Variants in PHKB observed in about 807,000 individuals in gnomAD.
PHKB encodes the protein phosphorylase kinase regulatory subunit beta, also known as phosphorylase b kinase regulatory subunit beta.
PHKB carries 122 observed loss-of-function variants against 152.1 expected under a neutral mutation model. The observed-to-expected ratio is 0.80, with a 90% CI of 0.69 to 0.93. The LOEUF (loss-of-function observed/expected upper bound fraction) is 0.93, where lower values mean the gene tolerates loss of function less well. Among genes scored for constraint, PHKB ranks in the 40% least tolerant of loss-of-function variants. The pLI is 0.00. For synonymous variants in PHKB, 436 were observed against 464.9 expected (o/e 0.94, Z 0.80); for missense variants, 1,304 against 1,328.4 (o/e 0.98, Z 0.29).
Position 47,650,561 on chromosome 16 carries a change from T to C in PHKB, c.1815T>C (p.Ile605=). 1 of 1,604,256 alleles carries C rather than the reference T, an allele frequency of 6.2e-7. No homozygotes were observed. Among genetic ancestry groups the C allele is most frequent in the Non-Finnish European group, 8.5e-7 (1 of 1,171,140 alleles). ...TTTGACAGAATGCGCTGCAGTTCAT[T>C]AAACAATATTGGAAAATGCATGGAC... is the stretch of plus-strand genomic sequence containing the variant. The part of the protein sequence containing the change: ...IDDIKNALQF[I]KQYWKMHGRP... Residue 605 remains isoleucine, a synonymous_variant, in exon 19 of 31, where the codon ATT becomes ATC. Transcript: ENST00000323584.
intron 26 of PHKB, among the ~76,000 whole-genome samples, chr16:47,682,783 C>T (rs1357741715): frequency 6.6e-6 from 1 of 152,200 alleles, no homozygotes; most frequent in Non-Finnish European, 1.5e-5. Context: ...ATTCTCTGTC[C>T]AGCTTTGTTC....
chr16:47,525,469 A>G (rs1333164893), intron 6 of PHKB, among the ~76,000 whole-genome samples: 1 of 152,210 alleles, frequency 6.6e-6, no homozygotes, highest in East Asian at 1.9e-4. Flanking sequence ...GTTTGAAGAG[A>G]TGATGACTGT....
At chr16:47,564,322 A>G (rs1456559381) in intron 7 of PHKB, among the ~76,000 whole-genome samples, 1 of 152,070 alleles carries the variant, frequency 6.6e-6, no homozygotes, top group African/African-American at 2.4e-5. Context: ...GTTTCACTGC[A>G]TCCACACCAA....
Position 47,597,370 on chromosome 16 carries a change from G to A in PHKB, c.1363+839G>A, listed in dbSNP as rs141119589. On this transcript the variant is annotated intron_variant, in intron 13 of 30. Coordinates refer to ENST00000323584, the MANE Select transcript of PHKB (RefSeq NM_000293.3). ...CGGTTTTTAAAAAAATATTCCATTA[G>A]GGAAGAATATTTCACAGGACAGATT... 7.1e-3 allele frequency among the ~76,000 whole-genome samples: 1,078 copies of A among 152,146 alleles called. 16 individuals are homozygous for A. Among genetic ancestry groups the A allele is most frequent in the African/African-American group, 0.025 (1,033 of 41,540 alleles).
At chr16:47,634,493 ATGATATAAT>A (rs139578688) in intron 14 of PHKB, among the ~76,000 whole-genome samples, 2,924 of 152,332 alleles carry the variant, frequency 0.019, 33 homozygotes, top group Non-Finnish European at 0.032. Flanking sequence ...ATAACAATAA[ATGATATAAT>A]TTCTGTATCG....
At chr16:47,540,665 G>A (rs2151667810) in intron 6 of PHKB, among the ~76,000 whole-genome samples, 1 of 151,552 alleles carries the variant, frequency 6.6e-6, no homozygotes, top group East Asian at 1.9e-4. Context: ...TGAAATATTG[G>A]GGACGGGTTC....
At chr16:47,473,112 G>A (rs911147553) in intron 1 of PHKB, among the ~76,000 whole-genome samples, 6 of 150,342 alleles carry the variant, frequency 4.0e-5, no homozygotes, top group Middle Eastern at 3.2e-3. Context: ...CACCCAGGCT[G>A]GAGTGGAGTA....
At chr16:47,565,828 AGACAGAAGCAGCTT>A in intron 7 of PHKB, 1 of 1,382,768 alleles carries the variant, frequency 7.2e-7, no homozygotes, top group Non-Finnish European at 1.0e-6. Flanking sequence ...GTCCCTCCAA[AGACAGAAGCAGCTT>A]GACTGGACTG....
At chr16:47,641,302 A>G (rs1367562366) in intron 15 of PHKB, among the ~76,000 whole-genome samples, 1 of 152,310 alleles carries the variant, frequency 6.6e-6, no homozygotes, top group South Asian at 2.1e-4. Context: ...GGTGAATATT[A>G]AAGACTGACC....
chr16:47,521,026 G>C (rs1051298157), intron 6 of PHKB, among the ~76,000 whole-genome samples: 1 of 151,924 alleles, frequency 6.6e-6, no homozygotes, highest in African/African-American at 2.4e-5. Flanking sequence ...AGGTTAAATG[G>C]AGCTTTTTAA....
At chr16:47,543,886 T>A (rs1284355757) in intron 6 of PHKB, among the ~76,000 whole-genome samples, 1 of 152,158 alleles carries the variant, frequency 6.6e-6, no homozygotes, top group Non-Finnish European at 1.5e-5. Flanking sequence ...CTTACATCTA[T>A]TTTTTACATC....
intron 13 of PHKB, among the ~76,000 whole-genome samples, chr16:47,600,996 A>G (rs1014374775): frequency 1.3e-5 from 2 of 152,122 alleles, no homozygotes; most frequent in African/African-American, 4.8e-5. Flanking sequence ...ACGCCTGGCT[A>G]ATTTTTTGTA....
intron 14 of PHKB, among the ~76,000 whole-genome samples, chr16:47,625,970 G>A (rs1005598871): frequency 7.2e-5 from 11 of 152,092 alleles, no homozygotes; most frequent in East Asian, 1.9e-4. Flanking sequence ...AAGTCCTTAC[G>A]TAGTTGTCTT....
chr16:47,612,894 A>G (rs1376637121), intron 14 of PHKB, among the ~76,000 whole-genome samples: 3 of 152,162 alleles, frequency 2.0e-5, no homozygotes, highest in Non-Finnish European at 2.9e-5. Context: ...GACTGATGAA[A>G]TAGAGTGGTC....
chr16:47,542,449 A>G (rs1025620377), intron 6 of PHKB, among the ~76,000 whole-genome samples: 2 of 151,412 alleles, frequency 1.3e-5, no homozygotes, highest in African/African-American at 4.9e-5. Flanking sequence ...CTCCAGCTTC[A>G]TTTTTTTTGC....
At chr16:47,601,006 AT>A (rs1376551706) in intron 13 of PHKB, among the ~76,000 whole-genome samples, 2 of 152,040 alleles carry the variant, frequency 1.3e-5, no homozygotes, top group African/African-American at 2.4e-5. Context: ...AATTTTTTGT[AT>A]TCTTAGTAGA....
At chr16:47,535,447 A>C (rs1597063351) in intron 6 of PHKB, among the ~76,000 whole-genome samples, 1 of 152,210 alleles carries the variant, frequency 6.6e-6, no homozygotes, top group Admixed American at 6.5e-5. Context: ...TTGTTAACAA[A>C]TTATATTACC....
chr16:47,535,667 A>C (rs566773440), intron 6 of PHKB, among the ~76,000 whole-genome samples: 22 of 152,178 alleles, frequency 1.4e-4, no homozygotes, highest in Non-Finnish European at 2.8e-4. Context: ...CACACCTTAA[A>C]TTTTATAAAG....
chr16:47,698,692 T>G (rs906168590), intron 30 of PHKB, 104 bp downstream of exon 30: 5 of 1,048,440 alleles, frequency 4.8e-6, no homozygotes, highest in South Asian at 1.6e-5. Context: ...ATAAAACAGA[T>G]TCACAGGTGC....
Sources: allele counts gnomAD v4.1 joint callset (sites outside exome capture counted in the v4.1 genomes callset), GRCh38; gene constraint gnomAD v4.1.1; transcripts MANE v1.5; gene names NCBI Gene and HGNC (gene_info 2026-07-23, HGNC 2026-07-21).